Variants in PACRGL observed in about 807,000 individuals in gnomAD.
The protein encoded by PACRGL is PACRG-like protein.
In PACRGL, 38 loss-of-function variants were observed where a neutral mutation model predicts 34.5. The ratio of observed to expected loss-of-function variants is 1.10; its 90% CI spans 0.85 to 1.44. The LOEUF (loss-of-function observed/expected upper bound fraction) is 1.44, where lower values mean the gene tolerates loss of function less well. PACRGL is among the 40% of genes most tolerant of loss of function. The pLI is 0.00. For synonymous variants in PACRGL, 128 were observed against 100.1 expected (o/e 1.28, Z -1.66); for missense variants, 305 against 281.4 (o/e 1.08, Z -0.60).
downstream of PACRGL, among the ~76,000 whole-genome samples, chr4:20,753,976 G>T (rs1405271654): frequency 6.6e-6 from 1 of 152,096 alleles, no homozygotes; most frequent in East Asian, 1.9e-4. Context: ...GACAACATAA[G>T]TGCATTCCTA....
At chr4:20,725,545 A>G (rs1745288007) in intron 8 of PACRGL, among the ~76,000 whole-genome samples, 1 of 152,214 alleles carries the variant, frequency 6.6e-6, no homozygotes, top group African/African-American at 2.4e-5. Context: ...AAATATTTCC[A>G]TAAAAGCAGT....
chr4:20,706,278 G>A (rs1414097605), intron 3 of PACRGL, among the ~76,000 whole-genome samples: 1 of 152,098 alleles, frequency 6.6e-6, no homozygotes, highest in African/African-American at 2.4e-5. Flanking sequence ...CAGAAATTTA[G>A]TCTTTGTGGG....
Position 20,731,252 on chromosome 4 carries a change from T to G in PACRGL, c.*3911T>G. On this transcript the variant is annotated 3_prime_UTR_variant, in exon 9 of 9. Coordinates refer to ENST00000503585, the MANE Select transcript of PACRGL (RefSeq NM_001258345.3). ...GCCCAGCTAACTTAATTTTTTTTTGTAGAGATAGATAGGGTCTTGCTATGT... is the reference window on the plus strand; with the variant it reads ...GCCCAGCTAACTTAATTTTTTTTTGGAGAGATAGATAGGGTCTTGCTATGT... 1 of 320,822 alleles carries G rather than the reference T, an allele frequency of 3.1e-6. No homozygotes were observed. Among genetic ancestry groups the G allele is most frequent in the Non-Finnish European group, 4.5e-6 (1 of 222,614 alleles). The allele number at this position is 320,822 out of a possible 1,614,324, so 19.9% of individuals were successfully genotyped here. A position where few individuals can be genotyped will look rare whatever the true frequency, so the allele number is the denominator to read the frequency against.
In PACRGL at chr4:20,731,500, T is replaced by TG; in HGVS notation, c.*4159_*4160insG. Reference sequence around the variant, plus strand: ...TTCAGAGAAAATTTTCCACTGTTTATTTTTTGTGACTGAAGACCATTAGTG... The same window carrying TG: ...TTCAGAGAAAATTTTCCACTGTTTATGTTTTTGTGACTGAAGACCATTAGTG... On this transcript the variant is annotated 3_prime_UTR_variant, in exon 9 of 9. Coordinates refer to ENST00000503585, the MANE Select transcript of PACRGL (RefSeq NM_001258345.3). The TG allele has an allele frequency of 2.0e-6, 2 of 985,314 alleles. No individual in the cohort carries two copies. Among genetic ancestry groups the TG allele is most frequent in the South Asian group, 9.4e-5 (2 of 21,284 alleles). The allele number at this position is 985,314 out of a possible 1,614,324, so 61.0% of individuals were successfully genotyped here. A position where few individuals can be genotyped will look rare whatever the true frequency, so the allele number is the denominator to read the frequency against.
chr4:20,696,940 T>C (rs368989665), upstream of PACRGL, among the ~76,000 whole-genome samples: 1 of 152,380 alleles, frequency 6.6e-6, no homozygotes, highest in African/African-American at 2.4e-5. Flanking sequence ...TTTGGACATA[T>C]TGGGTTAATA....
At chr4:20,765,385 C>T in the PACRGL span, among the ~76,000 whole-genome samples, 1 of 152,116 alleles carries the variant, frequency 6.6e-6, no homozygotes, top group Non-Finnish European at 1.5e-5. Context: ...ATCACAGCTG[C>T]GTTGGAGAGA....
intron 7 of PACRGL, among the ~76,000 whole-genome samples, chr4:20,714,494 T>C (rs1042639196): frequency 6.6e-6 from 1 of 152,160 alleles, no homozygotes; most frequent in Non-Finnish European, 1.5e-5. Context: ...TTTTAGTCCA[T>C]TTACATTTAA....
chr4:20,727,277 G>A lies in PACRGL; in HGVS notation c.691-8G>A, dbSNP rs777318557. The A allele has an allele frequency of 2.2e-5, 36 of 1,607,044 alleles. 1 individual carries two copies. In the South Asian group the frequency reaches 3.7e-4, roughly 17 times the overall value. Reference sequence around the variant, plus strand: ...TACTAATGATGCTCAATTTTTTTCTGTTGACAGGGGAGCCTTAGCATCATC... The same window carrying A: ...TACTAATGATGCTCAATTTTTTTCTATTGACAGGGGAGCCTTAGCATCATC... On this transcript the variant is annotated splice_region_variant and splice_polypyrimidine_tract_variant and intron_variant, in intron 8 of 8. Transcript: ENST00000503585.
rs182839756 is a variant in PACRGL, at chr4:20,740,541, G to A, written c.*57-12024G>A. Among the ~76,000 whole-genome samples the A allele has an allele frequency of 3.6e-3, 544 of 152,046 alleles. 11 individuals are homozygous for A. Among genetic ancestry groups the A allele is most frequent in the East Asian group, 1.2e-3 (6 of 5,168 alleles). The stretch of plus-strand genomic sequence containing the variant: ...GCAAATGCTGAGAGATTTTGTCACC[G>A]CCAGGCCTGCCTTACAAGAGCTTCT... On this transcript the variant is annotated intron_variant, in intron 8 of 8. Coordinates refer to the PACRGL transcript ENST00000507634.
In PACRGL at chr4:20,729,936, G is replaced by A. The variant is rs1006380906; in HGVS notation, c.*2595G>A. 7 of 875,550 alleles carry A rather than the reference G, an allele frequency of 8.0e-6. No individual in the cohort carries two copies. In the African/African-American group the frequency reaches 1.2e-4, roughly 15 times the overall value. 54.2% of individuals were successfully genotyped at this position (875,550 alleles called of 1,614,324 possible). On this transcript the variant is annotated 3_prime_UTR_variant, in exon 9 of 9. Transcript: ENST00000503585. ...ATAACTGAAAGCTCAAATCTTTTGG[G>A]GATTGCTTTATATTAAAACAAAGCT... is the stretch of plus-strand genomic sequence containing the variant.
At chr4:20,752,494 T>C (rs1021552425) in intron 8 of PACRGL, 1 of 152,248 alleles carries the variant, frequency 6.6e-6, no homozygotes, top group African/African-American at 2.4e-5. Flanking sequence ...TTCAACTACC[T>C]TAAACACATG....
In PACRGL at chr4:20,710,474, T is replaced by G. The variant is rs57804444; in HGVS notation, c.366+701T>G. On this transcript the variant is annotated intron_variant, in intron 5 of 8. Coordinates refer to ENST00000503585, the MANE Select transcript of PACRGL (RefSeq NM_001258345.3). The stretch of plus-strand genomic sequence containing the variant: ...ATTACTTTTTAAAAGTTAAGGATCG[T>G]TTTGTTGTCATTAGTAAGAAACAAA... Among the ~76,000 whole-genome samples, 637 of 152,294 alleles carry G rather than the reference T, an allele frequency of 4.2e-3. 16 individuals are homozygous for G. In the East Asian group the frequency reaches 0.11, roughly 26 times the overall value.
intron 5 of PACRGL, among the ~76,000 whole-genome samples, chr4:20,710,751 C>T (rs1038020811): frequency 6.6e-6 from 1 of 152,104 alleles, no homozygotes; most frequent in Non-Finnish European, 1.5e-5. Flanking sequence ...ATTTAATTCT[C>T]CAAATATGTT....
intron 4 of PACRGL, among the ~76,000 whole-genome samples, chr4:20,708,429 ATGG>A: frequency 6.6e-6 from 1 of 151,928 alleles, no homozygotes; most frequent in African/African-American, 2.4e-5. Flanking sequence ...TATTTTGATT[ATGG>A]AAATAATCAC....
chr4:20,759,909 C>T, the PACRGL span, among the ~76,000 whole-genome samples: 1 of 152,136 alleles, frequency 6.6e-6, no homozygotes, highest in Non-Finnish European at 1.5e-5. Context: ...CTTCCAGGAC[C>T]ACCGCGGATA....
chr4:20,713,203 A>G (rs1051173422), intron 6 of PACRGL: 24 of 569,824 alleles, frequency 4.2e-5, no homozygotes, highest in Middle Eastern at 4.5e-4. Flanking sequence ...TATGCTACAT[A>G]TATTTTAGTT....
upstream of PACRGL, among the ~76,000 whole-genome samples, chr4:20,698,359 G>A (rs1182002928): frequency 6.6e-6 from 1 of 152,038 alleles, no homozygotes; most frequent in African/African-American, 2.4e-5. Flanking sequence ...AACCTGAATA[G>A]AAGACAAAAG....
chr4:20,748,882 A>T (rs115679808), intron 8 of PACRGL, among the ~76,000 whole-genome samples: 1 of 144,416 alleles, frequency 6.9e-6, no homozygotes, highest in Non-Finnish European at 1.5e-5. Context: ...GTGTGTGTGT[A>T]TGTGTGTGTG....
At chr4:20,734,778 A>AAAAC, downstream of PACRGL, 2 of 1,163,022 alleles carry the variant, frequency 1.7e-6, no homozygotes, top group East Asian at 4.8e-5. Context: ...CATTTTTAAA[A>AAAAC]AAACAAAAAC....
Sources: allele counts gnomAD v4.1 joint callset (sites outside exome capture counted in the v4.1 genomes callset), GRCh38; gene constraint gnomAD v4.1.1; transcripts MANE v1.5; gene names NCBI Gene and HGNC (gene_info 2026-07-23, HGNC 2026-07-21).